Variants in FAM168A observed in about 807,000 individuals in gnomAD.
FAM168A encodes protein FAM168A.
FAM168A carries 3 observed loss-of-function variants against 28.5 expected under a neutral mutation model. The observed-to-expected ratio is 0.11, with a 90% CI of 0.05 to 0.27. FAM168A has a LOEUF of 0.27. Among genes scored for constraint, FAM168A ranks in the 10% least tolerant of loss-of-function variants. FAM168A has a pLI of 1.00. For synonymous variants in FAM168A, 122 were observed against 124.2 expected, an observed-to-expected ratio of 0.98 and a Z score of 0.12; for missense variants, 222 against 311.5, an observed-to-expected ratio of 0.71 and a Z score of 2.16.
intron 1 of FAM168A, among the ~76,000 whole-genome samples, chr11:73,555,253 C>T (rs1288398793): frequency 6.6e-6 from 1 of 152,084 alleles, no homozygotes; most frequent in Non-Finnish European, 1.5e-5. Context: ...TCTGGTCTAC[C>T]ATTAAGCCAA....
chr11:73,411,476 G>C lies in FAM168A; in HGVS notation c.338C>G (p.Pro113Arg), dbSNP rs376201217. The change falls in exon 5 of 8, where the codon CCC becomes CGC. Residue 113 changes from proline (P) to arginine (R), a missense_variant. Physicochemically the swap from Pro to Arg is moderately radical, Grantham distance 103. This residue lies in a region of FAM168A where 153 missense variants were observed against 189.2 expected (regional missense o/e 0.81). Transcript: ENST00000356467. ...ATAGGGGTTGGGTGATGGGGAGTAG[G>C]GGGGTGGAGCAGTGTTACTCTGGGT... ...PPTQSNTAPP[P>R]YSPSPNPYQT... The C allele has an allele frequency of 4.3e-6, 7 of 1,613,888 alleles. No individual in the cohort carries two copies. Among genetic ancestry groups the C allele is most frequent in the Admixed American group, 3.3e-5 (2 of 60,006 alleles).
intron 2 of FAM168A, among the ~76,000 whole-genome samples, chr11:73,441,567 T>C (rs1044118158): frequency 2.0e-5 from 3 of 152,252 alleles, no homozygotes; most frequent in Non-Finnish European, 4.4e-5. Flanking sequence ...TATCTTCCAT[T>C]TTTTCAAAGA....
At chr11:73,570,277 G>A (rs1944070921) in intron 1 of FAM168A, among the ~76,000 whole-genome samples, 1 of 152,048 alleles carries the variant, frequency 6.6e-6, no homozygotes, top group African/African-American at 2.4e-5. Context: ...GGGATAATGA[G>A]GATTAAAACA....
chr11:73,534,291 A>C (rs1943549278), intron 1 of FAM168A, among the ~76,000 whole-genome samples: 1 of 152,234 alleles, frequency 6.6e-6, no homozygotes, highest in African/African-American at 2.4e-5. Flanking sequence ...ATGAATACTA[A>C]GTCAGCAGTG....
intron 1 of FAM168A, among the ~76,000 whole-genome samples, chr11:73,575,166 T>C (rs916843449): frequency 2.0e-5 from 3 of 152,226 alleles, no homozygotes; most frequent in African/African-American, 7.2e-5. Context: ...TCTGAGGCTA[T>C]TTCCAGTGAC....
chr11:73,549,069 G>A (rs1021315175), intron 1 of FAM168A, among the ~76,000 whole-genome samples: 1 of 152,126 alleles, frequency 6.6e-6, no homozygotes, highest in Non-Finnish European at 1.5e-5. Flanking sequence ...AGCCTCCCAA[G>A]TAGCTGGGAT....
chr11:73,424,535 G>A (rs937306729), intron 3 of FAM168A, among the ~76,000 whole-genome samples: 1 of 151,930 alleles, frequency 6.6e-6, no homozygotes, highest in Admixed American at 6.6e-5. Context: ...AATGAGCCCA[G>A]AGCTCAAGTT....
intron 2 of FAM168A, among the ~76,000 whole-genome samples, chr11:73,454,828 T>A (rs912232966): frequency 1.3e-5 from 2 of 152,012 alleles, no homozygotes; most frequent in Admixed American, 1.3e-4. Flanking sequence ...ACCCAACCCG[T>A]CCCCTTTTCA....
chr11:73,411,325 C>G (rs1310555253), intron 5 of FAM168A, 69 bp downstream of exon 5: 9 of 1,503,992 alleles, frequency 6.0e-6, no homozygotes, highest in Non-Finnish European at 8.0e-6. Flanking sequence ...CCTCACCCTA[C>G]CCCACCACAC....
chr11:73,574,470 A>T (rs1427724765), intron 1 of FAM168A, among the ~76,000 whole-genome samples: 5 of 152,174 alleles, frequency 3.3e-5, no homozygotes, highest in African/African-American at 1.2e-4. Context: ...CCTTAAACAA[A>T]TTACCTAGAT....
At chr11:73,535,418 CTT>C (rs557433454) in intron 1 of FAM168A, among the ~76,000 whole-genome samples, 24,173 of 132,030 alleles carry the variant, frequency 0.18, 3,268 homozygotes, top group African/African-American at 0.41. Flanking sequence ...TTCTTTCTTT[CTT>C]TTTTTTTTTT....
At chr11:73,538,625 C>G (rs1943612972) in intron 1 of FAM168A, among the ~76,000 whole-genome samples, 1 of 152,246 alleles carries the variant, frequency 6.6e-6, no homozygotes, top group Non-Finnish European at 1.5e-5. Flanking sequence ...TGTTCTCCAT[C>G]TGAACTGCCC....
intron 1 of FAM168A, among the ~76,000 whole-genome samples, chr11:73,569,825 A>AAAATAAAT (rs111950693): frequency 0.021 from 3,124 of 145,782 alleles, 107 homozygotes; most frequent in African/African-American, 0.07. Context: ...CTCCACCTCA[A>AAAATAAAT]AAATAAATAA....
chr11:73,486,310 T>G (rs993486621), intron 1 of FAM168A, among the ~76,000 whole-genome samples: 1 of 152,164 alleles, frequency 6.6e-6, no homozygotes, highest in African/African-American at 2.4e-5. Context: ...TCCAGAACTT[T>G]TCATCTTCAT....
At chr11:73,485,543 C>T (rs1437107654) in intron 1 of FAM168A, among the ~76,000 whole-genome samples, 1 of 152,244 alleles carries the variant, frequency 6.6e-6, no homozygotes, top group Non-Finnish European at 1.5e-5. Flanking sequence ...GAAAGCTGAG[C>T]GTTCTTAGCA....
At chr11:73,434,856 G>A (rs1867061702) in intron 2 of FAM168A, among the ~76,000 whole-genome samples, 1 of 152,228 alleles carries the variant, frequency 6.6e-6, no homozygotes. Context: ...CCTGGCAATA[G>A]ATGTGGGATT....
chr11:73,567,386 A>G (rs1944033027), intron 1 of FAM168A, among the ~76,000 whole-genome samples: 2 of 152,202 alleles, frequency 1.3e-5, no homozygotes, highest in Admixed American at 1.3e-4. Context: ...TAAACCAGTC[A>G]CTTGATACCT....
At chr11:73,591,389 A>G (rs1944380085) in intron 1 of FAM168A, among the ~76,000 whole-genome samples, 1 of 152,180 alleles carries the variant, frequency 6.6e-6, no homozygotes, top group Non-Finnish European at 1.5e-5. Context: ...ATTAAATTCT[A>G]TCTATAAGGA....
intron 1 of FAM168A, among the ~76,000 whole-genome samples, chr11:73,548,965 G>T (rs180864280): frequency 6.6e-6 from 1 of 151,254 alleles, no homozygotes; most frequent in Non-Finnish European, 1.5e-5. Flanking sequence ...TTTTTGAGAC[G>T]GAGTTTTGCT....
Sources: gnomAD v4.1 joint callset for allele counts (sites outside exome capture counted in the v4.1 genomes callset) on GRCh38, gnomAD v4.1.1 for gene constraint, gnomAD v4.1.1 regional missense constraint, MANE v1.5 for transcripts, NCBI Gene and HGNC (gene_info 2026-07-23, HGNC 2026-07-21) for gene names.